SLC23A2: variants seen among roughly 807,000 people sequenced by gnomAD.
The protein encoded by SLC23A2 is Na(+)/L-ascorbic acid transporter 2.
A neutral mutation model predicts 73.3 loss-of-function variants in SLC23A2; 36 were observed. The observed-to-expected ratio is 0.49, with a 90% CI of 0.38 to 0.65. The LOEUF is 0.65. Among genes scored for constraint, SLC23A2 ranks in the 30% least tolerant of loss-of-function variants. The pLI is 0.00. For missense variants in SLC23A2, 507 were observed against 841.6 expected, an observed-to-expected ratio of 0.60 and a Z score of 4.92; for synonymous variants, 343 against 327.3, an observed-to-expected ratio of 1.05 and a Z score of -0.52.
At chr20:4,979,225 G>A (rs954445592) in intron 1 of SLC23A2, among the ~76,000 whole-genome samples, 37 of 151,338 alleles carry the variant, frequency 2.4e-4, no homozygotes, top group Middle Eastern at 3.2e-3. Context: ...CCCGGGAGGC[G>A]GAGGTTACAG....
intron 2 of SLC23A2, among the ~76,000 whole-genome samples, chr20:4,953,035 C>T (rs1036060928): frequency 5.3e-5 from 8 of 150,916 alleles, no homozygotes; most frequent in South Asian, 4.2e-4. Context: ...AGGCCTGGCG[C>T]GGTGACTCAT....
At chr20:4,932,784 GTTTCT>G in intron 2 of SLC23A2, 68 bp from the exon 3 acceptor site, 1 of 500,106 alleles carries the variant, frequency 2.0e-6, no homozygotes, top group South Asian at 2.7e-5. Context: ...CAGTCACTGA[GTTTCT>G]TGCACAGTAA....
intron 1 of SLC23A2, among the ~76,000 whole-genome samples, chr20:5,008,070 C>G (rs535423529): frequency 6.6e-6 from 1 of 152,012 alleles, no homozygotes; most frequent in Non-Finnish European, 1.5e-5. Flanking sequence ...CCACCACACC[C>G]GGCTAATTTT....
At chr20:4,986,536 A>C (rs1350501569) in intron 1 of SLC23A2, among the ~76,000 whole-genome samples, 2 of 150,430 alleles carry the variant, frequency 1.3e-5, no homozygotes, top group Non-Finnish European at 3.0e-5. Context: ...CTGTTCTTGA[A>C]CTCCTGGCCT....
intron 3 of SLC23A2, among the ~76,000 whole-genome samples, chr20:4,930,899 C>T (rs1600144521): frequency 6.6e-6 from 1 of 151,352 alleles, no homozygotes; most frequent in Non-Finnish European, 1.5e-5. Context: ...AGTCAGTTGG[C>T]TTGAGCCCTG....
chr20:4,862,007 A>G lies in SLC23A2; in HGVS notation c.1565T>C (p.Phe522Ser). The part of the protein sequence containing the change: ...NSSRNLFVLG[F>S]SIFFGLVLPS... Reference sequence around the variant, plus strand: ...AAGGACGAGCCCAAAGAAGATCGAAAATCCAAGCACAAAGAGGTTCCGGGA... The same window carrying G: ...AAGGACGAGCCCAAAGAAGATCGAAGATCCAAGCACAAAGAGGTTCCGGGA... The change falls in exon 15 of 17, where the codon TTT (phenylalanine) becomes TCT (serine). Residue 522 changes from phenylalanine (F) to serine (S), a missense_variant. Coordinates refer to ENST00000338244, the MANE Select transcript of SLC23A2 (RefSeq NM_005116.6). The surrounding 1 kb of genome is among the most constrained non-coding windows in gnomAD (Gnocchi z 5.1). 1.9e-6 allele frequency: 3 copies of G among 1,614,184 alleles called. No individual in the cohort carries two copies. The highest frequency in any genetic ancestry group is 2.5e-6 in the Non-Finnish European group (3 of 1,180,020).
chr20:4,974,012 T>C (rs74557621), intron 1 of SLC23A2, among the ~76,000 whole-genome samples: 61 of 152,304 alleles, frequency 4.0e-4, no homozygotes, highest in Admixed American at 2.6e-3. Context: ...CATCTACCAC[T>C]GACTCAACAT....
intron 15 of SLC23A2, among the ~76,000 whole-genome samples, chr20:4,861,484 C>T (rs577836336): frequency 1.3e-5 from 2 of 152,318 alleles, no homozygotes; most frequent in African/African-American, 4.8e-5. Context: ...TTCCTCAGGA[C>T]ATTGCAGTGT....
At chr20:4,918,194 C>T (rs146145808) in intron 3 of SLC23A2, among the ~76,000 whole-genome samples, 33 of 152,254 alleles carry the variant, frequency 2.2e-4, no homozygotes, top group African/African-American at 6.7e-4. Context: ...TAATAGATAA[C>T]AGAAGAATCT....
intron 4 of SLC23A2, among the ~76,000 whole-genome samples, chr20:4,911,440 T>A (rs1421280427): frequency 6.6e-6 from 1 of 152,216 alleles, no homozygotes; most frequent in African/African-American, 2.4e-5. Context: ...CAATACAATT[T>A]ATTTGTTCTT....
intron 2 of SLC23A2, among the ~76,000 whole-genome samples, chr20:4,942,769 C>A (rs986586973): frequency 6.6e-6 from 1 of 152,132 alleles, no homozygotes; most frequent in African/African-American, 2.4e-5. Context: ...AGTTAAATAC[C>A]AAAACCTTCT....
At chr20:4,916,041 T>C (rs559942958) in intron 3 of SLC23A2, among the ~76,000 whole-genome samples, 161 of 152,320 alleles carry the variant, frequency 1.1e-3, no homozygotes, top group African/African-American at 3.8e-3. Flanking sequence ...TTCTCTTACA[T>C]TACTTCAAAT....
chr20:4,973,463 G>GGACTT (rs34495360), intron 1 of SLC23A2, among the ~76,000 whole-genome samples: 64,803 of 151,552 alleles, frequency 0.43, 13,893 homozygotes, highest in South Asian at 0.53. Flanking sequence ...ATGGCTGGAA[G>GGACTT]GACTTAACTA....
intron 2 of SLC23A2, among the ~76,000 whole-genome samples, chr20:4,946,665 T>TA (rs1318065003): frequency 6.6e-6 from 1 of 152,142 alleles, no homozygotes; most frequent in Non-Finnish European, 1.5e-5. Context: ...CACTAAATCC[T>TA]AAAAAAGCTC....
chr20:4,905,209 CT>C (rs1344037450), intron 4 of SLC23A2, among the ~76,000 whole-genome samples: 1 of 151,092 alleles, frequency 6.6e-6, no homozygotes, highest in East Asian at 1.9e-4. Context: ...CACACACAAG[CT>C]TTTCTTAGTA....
intron 2 of SLC23A2, among the ~76,000 whole-genome samples, chr20:4,965,887 A>G (rs1360987841): frequency 4.6e-5 from 7 of 151,184 alleles, no homozygotes; most frequent in Non-Finnish European, 4.4e-5. Context: ...GAATTGCTTG[A>G]ACCTGGGAGG....
intron 1 of SLC23A2, among the ~76,000 whole-genome samples, chr20:4,994,210 T>C (rs1289490356): frequency 1.3e-5 from 2 of 152,214 alleles, no homozygotes; most frequent in Non-Finnish European, 2.9e-5. Context: ...TGAGTGAGCT[T>C]GGCTGTGTTG....
At position 4,899,423 on chromosome 20, in the gene SLC23A2, C is replaced by T. The variant is rs1334575112; in HGVS notation, c.482+132G>A. On this transcript the variant is annotated intron_variant, in intron 6 of 16. Coordinates refer to ENST00000338244, the MANE Select transcript of SLC23A2 (RefSeq NM_005116.6). The surrounding 1 kb of genome is among the most constrained non-coding windows in gnomAD (Gnocchi z 4.9). ...AGGAACACTGAGGGGTGGGGACCAA[C>T]GGCCACTAGGACATTCCCGTGCCTC... 7 of 1,008,754 alleles carry T rather than the reference C, an allele frequency of 6.9e-6. No homozygotes were observed. Among genetic ancestry groups the T allele is most frequent in the South Asian group, 1.5e-5 (1 of 68,320 alleles). 62.5% of individuals were successfully genotyped at this position (1,008,754 alleles called of 1,614,324 possible). A position where few individuals can be genotyped will look rare whatever the true frequency, so the allele number is the denominator to read the frequency against.
intron 1 of SLC23A2, among the ~76,000 whole-genome samples, chr20:4,986,004 C>T (rs1278580840): frequency 6.6e-6 from 1 of 152,164 alleles, no homozygotes; most frequent in African/African-American, 2.4e-5. Flanking sequence ...TAGGGAATCC[C>T]TCTCCCGCCA....
Sources: gnomAD v4.1 joint callset for allele counts (sites outside exome capture counted in the v4.1 genomes callset) on GRCh38, gnomAD v4.1.1 for gene constraint, Gnocchi (gnomAD v3.1) non-coding constraint, MANE v1.5 for transcripts, NCBI Gene and HGNC (gene_info 2026-07-23, HGNC 2026-07-21) for gene names.